Variants in ACSM1 observed in about 807,000 individuals in gnomAD.
ACSM1 encodes acyl-CoA synthetase medium chain family member 1.
A neutral mutation model predicts 75.8 loss-of-function variants in ACSM1; 79 were observed. That is an observed-to-expected ratio of 1.04 (90% CI 0.87 to 1.26). The LOEUF (loss-of-function observed/expected upper bound fraction) is 1.26, where lower values mean the gene tolerates loss of function less well. Ranked by LOEUF, ACSM1 falls within the 50% of genes most tolerant of loss-of-function variation. The pLI, the probability that ACSM1 is intolerant of heterozygous loss-of-function variation, is 0.00. For synonymous variants in ACSM1, 279 were observed against 265.8 expected, an observed-to-expected ratio of 1.05 and a Z score of -0.48; for missense variants, 676 against 720.1, an observed-to-expected ratio of 0.94 and a Z score of 0.70.
rs936021942 is a variant in ACSM1 at position 20,640,571 on chromosome 16, C to A, written c.1006G>T (p.Ala336Ser). ...CCGCCAGTATAGCAGTGCTCCAGGGCAGGGAACCTGATGCTTAGAGGAAGA... is the reference window on the plus strand; with the variant it reads ...CCGCCAGTATAGCAGTGCTCCAGGGAAGGGAACCTGATGCTTAGAGGAAGA... ...QQDFTSIRFPALEHCYTGGEV... is the reference protein window; with the variant it reads ...QQDFTSIRFPSLEHCYTGGEV... Residue 336 changes from alanine to serine, a missense_variant, in exon 8 of 14, where the codon GCC becomes TCC. Ala to Ser is a moderately conservative substitution (Grantham distance 99). Coordinates refer to ENST00000520010, the MANE Select transcript of ACSM1 (RefSeq NM_001318890.3). 6.2e-7 allele frequency: 1 copy of A among 1,614,164 alleles called. No individual in the cohort carries two copies. Among genetic ancestry groups the A allele is most frequent in the Non-Finnish European group, 8.5e-7 (1 of 1,180,002 alleles).
chr16:20,676,685 G>T (rs544152973), intron 4 of ACSM1, among the ~76,000 whole-genome samples: 105 of 152,318 alleles, frequency 6.9e-4, no homozygotes, highest in African/African-American at 2.5e-3. Flanking sequence ...AGCTGGCTTT[G>T]CAAGGAGGCA....
chr16:20,670,962 G>T (rs997863114), intron 5 of ACSM1, among the ~76,000 whole-genome samples: 2 of 152,214 alleles, frequency 1.3e-5, no homozygotes, highest in African/African-American at 4.8e-5. Context: ...ATGAGAAGGC[G>T]TAGAGAAGGA....
At chr16:20,637,250 G>GATAAAAA (rs5816131) in intron 9 of ACSM1, 121 bp downstream of exon 9, 204,529 of 859,900 alleles carry the variant, frequency 0.24, 29,026 homozygotes, top group African/African-American at 0.5. Context: ...AGGGATAAAT[G>GATAAAAA]AGAAGAGAGG....
intron 4 of ACSM1, among the ~76,000 whole-genome samples, chr16:20,673,072 T>C (rs1247953504): frequency 6.8e-6 from 1 of 146,342 alleles, no homozygotes; most frequent in Non-Finnish European, 1.5e-5. Context: ...ATGATATATA[T>C]ACTTATATAT....
intron 10 of ACSM1, among the ~76,000 whole-genome samples, chr16:20,627,621 G>A (rs989946545): frequency 9.9e-5 from 15 of 152,058 alleles, no homozygotes; most frequent in Non-Finnish European, 4.4e-5. Context: ...ATGAGGTCAG[G>A]AGTTCAAGGC....
chr16:20,664,909 G>A (rs2152263925), intron 6 of ACSM1, among the ~76,000 whole-genome samples: 1 of 152,176 alleles, frequency 6.6e-6, no homozygotes, highest in South Asian at 2.1e-4. Context: ...TAACTCTTGG[G>A]TGAACAAGAA....
rs114764373 is a variant in ACSM1, at chr16:20,678,523, C to T, written c.611+3733G>A. Among the ~76,000 whole-genome samples, 1,225 of 152,292 alleles carry T rather than the reference C, an allele frequency of 8.0e-3. 20 individuals are homozygous for T. Among genetic ancestry groups the T allele is most frequent in the South Asian group, 0.035 (169 of 4,830 alleles). On this transcript the variant is annotated intron_variant, in intron 4 of 13. Coordinates refer to ENST00000520010, the MANE Select transcript of ACSM1 (RefSeq NM_001318890.3). ...TACCCTGTGATGGGGGCTATCAGTA[C>T]ATGTTGGTGTTCACCTTTTCAGGAT... is the stretch of plus-strand genomic sequence containing the variant.
intron 1 of ACSM1, among the ~76,000 whole-genome samples, chr16:20,691,838 T>G (rs2079657119): frequency 6.6e-6 from 1 of 151,576 alleles, no homozygotes; most frequent in Non-Finnish European, 1.5e-5. Flanking sequence ...TCAGGCTGTC[T>G]CCCTCTGGTG....
At chr16:20,641,867 G>A (rs569802647) in intron 7 of ACSM1, among the ~76,000 whole-genome samples, 11 of 152,334 alleles carry the variant, frequency 7.2e-5, no homozygotes, top group African/African-American at 1.9e-4. Flanking sequence ...ACCCAAGAAC[G>A]TGTAAAAGAA....
At chr16:20,666,405 A>C (rs922932862) in intron 6 of ACSM1, among the ~76,000 whole-genome samples, 1 of 152,176 alleles carries the variant, frequency 6.6e-6, no homozygotes, top group Admixed American at 6.6e-5. Flanking sequence ...AATACCTAAG[A>C]ATACATCTAA....
At chr16:20,671,424 C>T (rs1172006653) in intron 5 of ACSM1, 107 bp downstream of exon 5, 1 of 1,243,770 alleles carries the variant, frequency 8.0e-7, no homozygotes, top group Non-Finnish European at 1.1e-6. Flanking sequence ...ACTTCTACTT[C>T]CAGTTCCTTT....
intron 2 of ACSM1, among the ~76,000 whole-genome samples, chr16:20,689,918 G>A (rs1263758657): frequency 1.3e-5 from 2 of 152,182 alleles, no homozygotes; most frequent in African/African-American, 4.8e-5. Context: ...TATTAGACAT[G>A]TGATTTCAGT....
At position 20,661,836 on chromosome 16, in the gene ACSM1, AC is replaced by A. The variant is rs1475983242; in HGVS notation, c.949del (p.Val317TyrfsTer7). 6.2e-6 allele frequency: 10 copies of A among 1,610,526 alleles called. No homozygotes were observed. The highest frequency in any genetic ancestry group is 1.3e-5 in the African/African-American group (1 of 74,832). On this transcript the variant is annotated frameshift_variant, in exon 7 of 14. Coordinates refer to ENST00000520010, the MANE Select transcript of ACSM1 (RefSeq NM_001318890.3). LOFTEE classifies it high-confidence loss of function. Reference protein sequence around the residue: ...LKYPINHFWGVSSIYRMILQQ... With the variant: ...LKYPINHFWGXSSIYRMILQQ... ...CAGAATCATTCGATATATAGATGAT[AC>A]CCCCCAAAAGTGGTTAATGGGGTAT...
intron 7 of ACSM1, among the ~76,000 whole-genome samples, chr16:20,655,476 A>G (rs935944493): frequency 6.6e-6 from 1 of 152,186 alleles, no homozygotes; most frequent in African/African-American, 2.4e-5. Flanking sequence ...TGAATGAACT[A>G]TGTAAGTCAT....
chr16:20,631,972 C>T (rs1417904530), intron 10 of ACSM1, among the ~76,000 whole-genome samples: 1 of 152,148 alleles, frequency 6.6e-6, no homozygotes, highest in African/African-American at 2.4e-5. Context: ...CCAACAACCA[C>T]CTGTACCCCC....
chr16:20,635,580 T>TTTTCTTTCTTTCTTTC (rs56177992), intron 10 of ACSM1, among the ~76,000 whole-genome samples: 1 of 124,486 alleles, frequency 8.0e-6, no homozygotes, highest in Admixed American at 8.7e-5. Flanking sequence ...TAATTTTTCT[T>TTTTCTTTCTTTCTTTC]TTTCTTTCTT....
chr16:20,690,931 T>C, intron 2 of ACSM1, 66 bp downstream of exon 2: 2 of 1,504,366 alleles, frequency 1.3e-6, no homozygotes, highest in South Asian at 2.5e-5. Flanking sequence ...TTCAGCCTAG[T>C]AGGAGCAAGA....
In ACSM1 at chr16:20,691,180, C is replaced by A. The variant is rs779601723; in HGVS notation, c.9G>T (p.Trp3Cys). 1.0e-5 allele frequency: 16 copies of A among 1,585,980 alleles called. No individual in the cohort carries two copies. The highest frequency in any genetic ancestry group is 7.5e-5 in the Admixed American group (4 of 53,102). ...CCCAGAGGGTCCGGAACCTCATTAG[C>A]CACTGCATGGTGAAACAGTCCTCAG... MQ[W>C]LMRFRTLWGI... is the part of the protein sequence containing the mutation. The change falls in exon 2 of 14, where the codon TGG becomes TGT. Residue 3 changes from tryptophan (W) to cysteine (C), a missense_variant. Transcript: ENST00000520010.
chr16:20,663,859 C>T (rs1419805059), intron 6 of ACSM1, among the ~76,000 whole-genome samples: 1 of 152,126 alleles, frequency 6.6e-6, no homozygotes, highest in Admixed American at 6.6e-5. Context: ...TTGAAGTAGG[C>T]TTCTGTTACT....
Sources: allele counts gnomAD v4.1 joint callset (sites outside exome capture counted in the v4.1 genomes callset), GRCh38; gene constraint gnomAD v4.1.1; transcripts MANE v1.5; gene names NCBI Gene and HGNC (gene_info 2026-07-23, HGNC 2026-07-21).